Variants in MAN2A1 observed in about 807,000 individuals in gnomAD.
MAN2A1 encodes the protein mannosidase alpha class 2A member 1, also known as alpha-mannosidase 2.
Under a neutral mutation model 142.6 loss-of-function variants are expected in MAN2A1, and 76 were observed. That is an observed-to-expected ratio of 0.53 (90% CI 0.44 to 0.65). MAN2A1 has a LOEUF of 0.65. Among genes scored for constraint, MAN2A1 ranks in the 30% least tolerant of loss-of-function variants. The pLI, the probability that MAN2A1 is intolerant of heterozygous loss-of-function variation, is 0.00. For missense variants in MAN2A1, 1,311 were observed against 1,365.1 expected, an observed-to-expected ratio of 0.96 and a Z score of 0.62; for synonymous variants, 559 against 473.2, an observed-to-expected ratio of 1.18 and a Z score of -2.35.
At chr5:109,738,486 C>G (rs1042742290) in intron 4 of MAN2A1, among the ~76,000 whole-genome samples, 1 of 151,778 alleles carries the variant, frequency 6.6e-6, no homozygotes, top group Non-Finnish European at 1.5e-5. Flanking sequence ...GTTTGCTGTC[C>G]TTTTTACTTG....
chr5:109,858,381 G>T (rs538776624), intron 20 of MAN2A1, among the ~76,000 whole-genome samples: 1 of 152,228 alleles, frequency 6.6e-6, no homozygotes, highest in East Asian at 1.9e-4. Context: ...ACTGTTGTGG[G>T]TATTGATTCA....
At chr5:109,806,299 A>T (rs1229031256) in intron 12 of MAN2A1, among the ~76,000 whole-genome samples, 1 of 152,168 alleles carries the variant, frequency 6.6e-6, no homozygotes, top group Admixed American at 6.5e-5. Flanking sequence ...TACCATTTCT[A>T]TGGCTACATA....
chr5:109,817,160 T>C, intron 12 of MAN2A1, 113 bp from the exon 13 acceptor site: 1 of 991,988 alleles, frequency 1.0e-6, no homozygotes, highest in Admixed American at 2.2e-5. Flanking sequence ...AGTGAGACGC[T>C]ATCTCAAAAA....
chr5:109,837,814 G>A lies in MAN2A1; in HGVS notation c.2567-4514G>A, dbSNP rs150154909. ...ATTCTAACATGCATGTAACATATAT[G>A]TAAAATGAAAGTTCTTATTCTCTCA... is the stretch of plus-strand genomic sequence containing the variant. On this transcript the variant is annotated intron_variant, in intron 16 of 21. Coordinates refer to ENST00000261483, the MANE Select transcript of MAN2A1 (RefSeq NM_002372.4). 2.5e-3 allele frequency among the ~76,000 whole-genome samples: 377 copies of A among 152,270 alleles called. 2 individuals carry two copies. Among genetic ancestry groups the A allele is most frequent in the Middle Eastern group, 6.8e-3 (2 of 292 alleles).
intron 4 of MAN2A1, among the ~76,000 whole-genome samples, chr5:109,753,782 G>A (rs192989018): frequency 1.3e-5 from 2 of 152,128 alleles, no homozygotes; most frequent in African/African-American, 2.4e-5. Context: ...ATCCAGTGAT[G>A]TATGTCCTTT....
At chr5:109,741,831 T>C in intron 4 of MAN2A1, among the ~76,000 whole-genome samples, 1 of 152,232 alleles carries the variant, frequency 6.6e-6, no homozygotes, top group Non-Finnish European at 1.5e-5. Flanking sequence ...TTTTGTGTGA[T>C]CTGAAATAAT....
chr5:109,703,473 T>G (rs1410754366), intron 1 of MAN2A1, among the ~76,000 whole-genome samples: 1 of 152,206 alleles, frequency 6.6e-6, no homozygotes, highest in Non-Finnish European at 1.5e-5. Flanking sequence ...TGTTAAGGCC[T>G]GAAAGCATAT....
intron 12 of MAN2A1, among the ~76,000 whole-genome samples, chr5:109,793,422 C>T (rs965162694): frequency 3.3e-5 from 5 of 152,102 alleles, no homozygotes; most frequent in Non-Finnish European, 7.4e-5. Flanking sequence ...ATTACAGATT[C>T]ATTGAAATAC....
intron 1 of MAN2A1, chr5:109,699,824 C>A: frequency 6.5e-6 from 1 of 154,990 alleles, no homozygotes. Context: ...AGCCAGATCG[C>A]CCTCACATCC....
chr5:109,751,206 CTT>C (rs879862344), intron 4 of MAN2A1, among the ~76,000 whole-genome samples: 7 of 145,842 alleles, frequency 4.8e-5, no homozygotes, highest in Admixed American at 6.9e-5. Context: ...GTGAGATCAA[CTT>C]TTTTTTTTTT....
At chr5:109,739,770 A>C (rs1752214019) in intron 4 of MAN2A1, among the ~76,000 whole-genome samples, 1 of 152,030 alleles carries the variant, frequency 6.6e-6, no homozygotes. Flanking sequence ...ACCAGCATCC[A>C]CTTCACCTGA....
chr5:109,820,078 G>A, intron 14 of MAN2A1, 142 bp from the exon 15 acceptor site: 2 of 806,568 alleles, frequency 2.5e-6, no homozygotes, highest in Non-Finnish European at 3.9e-6. Context: ...TGTGGGTGGC[G>A]CTACTCCGTG....
At position 109,833,713 on chromosome 5, in the gene MAN2A1, G is replaced by C. The variant is rs546069706; in HGVS notation, c.2567-8615G>C. Among the ~76,000 whole-genome samples the C allele has an allele frequency of 1.1e-4, 16 of 150,700 alleles. No homozygotes were observed. In the South Asian group the frequency reaches 2.9e-3, roughly 28 times the overall value. On this transcript the variant is annotated intron_variant, in intron 16 of 21. Transcript: ENST00000261483. ...GTGGGGAGGGGGAGGGGGAGGGGGA[G>C]AGGGATTGAAGGAGTTTTCTTATAG...
intron 1 of MAN2A1, chr5:109,699,878 C>T (rs1288312221): frequency 6.6e-6 from 1 of 152,270 alleles, no homozygotes; most frequent in Non-Finnish European, 1.5e-5. Flanking sequence ...AAAAAGAAAA[C>T]CAGTACATAG....
intron 4 of MAN2A1, among the ~76,000 whole-genome samples, chr5:109,750,366 G>C (rs1052556274): frequency 2.0e-5 from 3 of 151,886 alleles, no homozygotes; most frequent in African/African-American, 7.3e-5. Flanking sequence ...GAATCTTCTG[G>C]TTTATTATCT....
intron 5 of MAN2A1, among the ~76,000 whole-genome samples, chr5:109,758,874 C>A (rs921843867): frequency 1.3e-5 from 2 of 151,782 alleles, no homozygotes; most frequent in African/African-American, 4.8e-5. Context: ...CTGAATTGTC[C>A]TGGCACACTT....
At chr5:109,747,716 A>G (rs1432161109) in intron 4 of MAN2A1, among the ~76,000 whole-genome samples, 2 of 152,188 alleles carry the variant, frequency 1.3e-5, no homozygotes, top group Non-Finnish European at 2.9e-5. Flanking sequence ...TTTTAGAACA[A>G]GCAAGTTGAC....
chr5:109,705,591 G>A (rs2284987), intron 1 of MAN2A1, among the ~76,000 whole-genome samples: 111,298 of 152,158 alleles, frequency 0.73, 41,827 homozygotes, highest in East Asian at 0.93. Context: ...CTTTATTTTT[G>A]TAGGGCCAAC....
Position 109,729,372 on chromosome 5 carries a change from G to A in MAN2A1, c.566G>A (p.Arg189Lys). ...TTGAAGACTTTCAATGACTACTTTA[G>A]AGACAAGACTCAGTATATTTTTAAT... ...GWLKTFNDYF[R>K]DKTQYIFNNM... The change falls in exon 4 of 22, where the codon AGA becomes AAA. Residue 189 changes from arginine to lysine, a missense_variant. Physicochemically the swap from Arg to Lys is conservative, Grantham distance 26 (BLOSUM62 2). Around this residue, in one of 3 missense-constraint regions of MAN2A1, gnomAD observed 409 missense variants for 412.7 expected, o/e 0.99. Transcript: ENST00000261483. The A allele has an allele frequency of 6.2e-7, 1 of 1,604,882 alleles. No homozygotes were observed. The highest frequency in any genetic ancestry group is 8.5e-7 in the Non-Finnish European group (1 of 1,176,632).
Sources: gnomAD v4.1 joint callset for allele counts (sites outside exome capture counted in the v4.1 genomes callset) on GRCh38, gnomAD v4.1.1 for gene constraint, gnomAD v4.1.1 regional missense constraint, MANE v1.5 for transcripts, NCBI Gene and HGNC (gene_info 2026-07-23, HGNC 2026-07-21) for gene names.